The following PCNX1 variants were observed in gnomAD, a reference collection of about 807,000 sequenced individuals.
PCNX1 encodes the protein pecanex 1, also known as pecanex-like protein 1.
PCNX1 carries 78 observed loss-of-function variants against 242.2 expected under a neutral mutation model. That is an observed-to-expected ratio of 0.32 (90% CI 0.27 to 0.39). The LOEUF is 0.39. PCNX1 is among the 10% of genes least tolerant of loss of function. PCNX1 has a pLI of 1.00. For missense variants in PCNX1, 2,581 were observed against 2,856.5 expected (o/e 0.90, Z 2.20); for synonymous variants, 1,024 against 1,032.9 (o/e 0.99, Z 0.17).
chr14:71,090,708 G>A (rs1192775989), intron 30 of PCNX1, among the ~76,000 whole-genome samples: 1 of 152,188 alleles, frequency 6.6e-6, no homozygotes, highest in Admixed American at 6.5e-5. Flanking sequence ...TACCAACTAT[G>A]TATCTGCTTT....
intron 1 of PCNX1, among the ~76,000 whole-genome samples, chr14:70,912,669 A>G (rs2055975358): frequency 6.6e-6 from 1 of 152,068 alleles, no homozygotes; most frequent in African/African-American, 2.4e-5. Flanking sequence ...CTCAGAGGAA[A>G]AGACATAAAT....
At chr14:71,090,850 C>A (rs1052492617) in intron 30 of PCNX1, among the ~76,000 whole-genome samples, 7 of 152,212 alleles carry the variant, frequency 4.6e-5, no homozygotes, top group Non-Finnish European at 1.0e-4. Context: ...AGAATTAAAG[C>A]CTCTGATGCC....
intron 1 of PCNX1, among the ~76,000 whole-genome samples, chr14:70,936,592 C>G (rs1042332128): frequency 6.6e-6 from 1 of 152,138 alleles, no homozygotes; most frequent in East Asian, 1.9e-4. Context: ...ATTAAACATA[C>G]GTGTTGCATG....
At chr14:70,989,655 G>A (rs559061357) in intron 7 of PCNX1, among the ~76,000 whole-genome samples, 8 of 148,974 alleles carry the variant, frequency 5.4e-5, no homozygotes, top group Admixed American at 1.4e-4. Context: ...TCAGCCTCCC[G>A]AGGAGCTGGG....
chr14:70,955,231 G>A (rs987794881), intron 2 of PCNX1, among the ~76,000 whole-genome samples: 5 of 152,166 alleles, frequency 3.3e-5, no homozygotes, highest in Non-Finnish European at 7.4e-5. Context: ...GTTTCTGTAT[G>A]TTTCTCATGG....
intron 13 of PCNX1, among the ~76,000 whole-genome samples, chr14:71,024,501 TA>T (rs34696883): frequency 6.6e-6 from 1 of 152,066 alleles, no homozygotes; most frequent in East Asian, 1.9e-4. Flanking sequence ...GTTTTTTCTT[TA>T]AAAAAATTTT....
chr14:71,062,622 T>C (rs1037439604), intron 26 of PCNX1, among the ~76,000 whole-genome samples: 2 of 152,094 alleles, frequency 1.3e-5, no homozygotes, highest in Non-Finnish European at 2.9e-5. Flanking sequence ...TTTAAAAAAA[T>C]TGAAAGTTTA....
At chr14:71,013,626 CATGGAGTAACAGGA>C (rs988442991) in intron 11 of PCNX1, among the ~76,000 whole-genome samples, 1 of 150,236 alleles carries the variant, frequency 6.7e-6, no homozygotes, top group African/African-American at 2.4e-5. Flanking sequence ...TTCCAGTCAA[CATGGAGTAACAGGA>C]TTGGATTTAT....
At chr14:70,989,420 C>T (rs191929616) in intron 7 of PCNX1, among the ~76,000 whole-genome samples, 1 of 151,812 alleles carries the variant, frequency 6.6e-6, no homozygotes, top group Admixed American at 6.6e-5. Flanking sequence ...CCAGTAACTA[C>T]TTTATTCTTA....
intron 24 of PCNX1, 65 bp from the exon 25 acceptor site, chr14:71,055,439 C>T (rs1432175648): frequency 1.8e-5 from 16 of 903,798 alleles, no homozygotes; most frequent in Non-Finnish European, 2.5e-5. Flanking sequence ...GTTTCTTCCT[C>T]AGTCTAAATT....
intron 19 of PCNX1, among the ~76,000 whole-genome samples, chr14:71,042,952 T>C (rs548694092): frequency 6.6e-6 from 1 of 152,334 alleles, no homozygotes; most frequent in Non-Finnish European, 1.5e-5. Flanking sequence ...CTGCTTCTAA[T>C]TATAGGACTC....
chr14:71,047,055 A>G lies in PCNX1; in HGVS notation c.4110A>G (p.Glu1370=). ...NIIYPLIVLN[E]LSSSAETIAS... ...TCTATCCATTGATTGTTCTCAATGA[A>G]CTGAGCAGCAGTGCAGAGACAATTG... Residue 1370 remains glutamate (E), a synonymous_variant, in exon 21 of 36, where the codon GAA becomes GAG. Coordinates refer to ENST00000304743, the MANE Select transcript of PCNX1 (RefSeq NM_014982.3). The G allele has an allele frequency of 6.2e-7, 1 of 1,611,654 alleles. No homozygotes were observed. Among genetic ancestry groups the G allele is most frequent in the Non-Finnish European group, 8.5e-7 (1 of 1,178,260 alleles).
At chr14:71,062,414 T>C (rs2061348914) in intron 26 of PCNX1, among the ~76,000 whole-genome samples, 1 of 151,876 alleles carries the variant, frequency 6.6e-6, no homozygotes, top group South Asian at 2.1e-4. Flanking sequence ...ATTTTAAAAA[T>C]ATTTAAAAAT....
At chr14:70,938,883 T>C (rs1307746120) in intron 1 of PCNX1, among the ~76,000 whole-genome samples, 1 of 152,216 alleles carries the variant, frequency 6.6e-6, no homozygotes, top group African/African-American at 2.4e-5. Flanking sequence ...CAGGAATTTA[T>C]CCATTTCTTC....
At position 70,978,290 on chromosome 14, in the gene PCNX1, A is replaced by T; in HGVS notation, c.1953A>T (p.Glu651Asp). ...SALKTKHTHK[E>D]RGTDSEHTHK... is the part of the protein sequence containing the mutation. ...TAAAGACCAAACACACTCATAAAGA[A>T]AGGGGCACAGACTCTGAACACACAC... Residue 651 changes from glutamate (E) to aspartate (D), a missense_variant, in exon 6 of 36, where the codon GAA (glutamate) becomes GAT (aspartate). Glu to Asp is a conservative substitution (Grantham distance 45). Transcript: ENST00000304743. The T allele has an allele frequency of 6.2e-7, 1 of 1,614,124 alleles. No homozygotes were observed. The highest frequency in any genetic ancestry group is 1.1e-5 in the South Asian group (1 of 91,078).
intron 5 of PCNX1, among the ~76,000 whole-genome samples, chr14:70,973,988 C>T (rs1210715923): frequency 1.3e-5 from 2 of 151,968 alleles, no homozygotes; most frequent in Admixed American, 6.6e-5. Context: ...CTTCAAGCAG[C>T]CCCTGACAAC....
At chr14:71,014,960 C>G (rs2059921876) in intron 11 of PCNX1, among the ~76,000 whole-genome samples, 1 of 151,154 alleles carries the variant, frequency 6.6e-6, no homozygotes, top group African/African-American at 2.4e-5. Context: ...GTTAAAATTG[C>G]AAAAGAAAAA....
At chr14:70,919,203 A>G (rs2056272020) in intron 1 of PCNX1, among the ~76,000 whole-genome samples, 1 of 152,108 alleles carries the variant, frequency 6.6e-6, no homozygotes, top group Non-Finnish European at 1.5e-5. Context: ...ATTTAATGAA[A>G]CATCCAGTAA....
intron 26 of PCNX1, among the ~76,000 whole-genome samples, chr14:71,066,551 C>G (rs933632824): frequency 1.5e-4 from 23 of 152,302 alleles, no homozygotes; most frequent in African/African-American, 4.3e-4. Flanking sequence ...ATGTCATCTG[C>G]AAACAGAGAC....
Sources: gnomAD v4.1 joint callset for allele counts (sites outside exome capture counted in the v4.1 genomes callset) on GRCh38, gnomAD v4.1.1 for gene constraint, MANE v1.5 for transcripts, NCBI Gene and HGNC (gene_info 2026-07-23, HGNC 2026-07-21) for gene names.